The following FRMPD4 variants were observed in gnomAD, a reference collection of about 807,000 sequenced individuals.
FRMPD4 encodes the protein FERM and PDZ domain containing 4.
In FRMPD4, 22 loss-of-function variants were observed where a neutral mutation model predicts 94.1. The ratio of observed to expected loss-of-function variants is 0.23; its 90% CI spans 0.17 to 0.33. The LOEUF is 0.33. FRMPD4 is among the 10% of genes least tolerant of loss of function. The pLI, the probability that FRMPD4 is intolerant of heterozygous loss-of-function variation, is 1.00. For missense variants in FRMPD4, 1,111 were observed against 1,339.9 expected (o/e 0.83, Z 2.67); for synonymous variants, 631 against 548.6 (o/e 1.15, Z -2.10).
chrX:12,073,798 G>A (rs2054989627), intron 3 of FRMPD4, among the ~76,000 whole-genome samples: 1 of 112,277 alleles, frequency 8.9e-6, no homozygotes, highest in Non-Finnish European at 1.9e-5. Flanking sequence ...TTGAACTCCT[G>A]GGCTCAAACG....
At chrX:11,926,258 C>CAAAAAAAAA (rs763084115) in intron 3 of FRMPD4, among the ~76,000 whole-genome samples, 2 of 30,695 alleles carry the variant, frequency 6.5e-5, no homozygotes, top group Non-Finnish European at 5.5e-5. Context: ...GCTTACCAAC[C>CAAAAAAAAA]AAAAAAAAAA....
chrX:12,090,088 A>G (rs1043375755), intron 3 of FRMPD4, among the ~76,000 whole-genome samples: 1 of 111,739 alleles, frequency 8.9e-6, no homozygotes, highest in Non-Finnish European at 1.9e-5. Flanking sequence ...AGAAACAGTG[A>G]TATGGTTTGG....
chrX:12,190,929 C>T (rs1306877974), intron 1 of FRMPD4, among the ~76,000 whole-genome samples: 3 of 111,711 alleles, frequency 2.7e-5, no homozygotes, highest in Non-Finnish European at 3.8e-5. Context: ...TTAAAAACTT[C>T]TCTTCTGCAA....
intron 3 of FRMPD4, among the ~76,000 whole-genome samples, chrX:12,056,779 T>C (rs2054856530): frequency 8.9e-6 from 1 of 112,033 alleles, no homozygotes; most frequent in Non-Finnish European, 1.9e-5. Flanking sequence ...AATGGCTATA[T>C]AACATTTCAT....
intron 3 of FRMPD4, among the ~76,000 whole-genome samples, chrX:11,907,268 G>A (rs2053973071): frequency 9.1e-6 from 1 of 110,130 alleles, no homozygotes; most frequent in African/African-American, 3.3e-5. Context: ...GACCCACTCA[G>A]AGTCCATTAA....
Position 12,690,290 on chromosome X carries a change from G to A in FRMPD4, c.777G>A (p.Lys259=). 4 of 1,209,568 alleles carry A rather than the reference G, an allele frequency of 3.3e-6. No homozygotes were observed. The highest frequency in any genetic ancestry group is 4.5e-6 in the Non-Finnish European group (4 of 893,673). ...AGAGGACAGAAGGGGCTGGAACGAA[G>A]CTGCTCTTGCTTCATGAACAGGAGA... ...LEQRTEGAGT[K]LLLLHEQETL... Residue 259 remains lysine, a synonymous_variant, in exon 8 of 17, where the codon AAG becomes AAA. Coordinates refer to ENST00000675598, the MANE Select transcript of FRMPD4 (RefSeq NM_001368397.1).
chrX:12,645,347 C>CTTTTTTTTTTTTTTTTTTTTT (rs138817056), intron 4 of FRMPD4, among the ~76,000 whole-genome samples: 5 of 55,642 alleles, frequency 9.0e-5, no homozygotes, highest in African/African-American at 4.3e-4. Context: ...CACTCTCACT[C>CTTTTTTTTTTTTTTTTTTTTT]TTTTTTTTTT....
At chrX:12,264,844 T>A (rs151144304) in intron 1 of FRMPD4, among the ~76,000 whole-genome samples, 1,310 of 112,323 alleles carry the variant, frequency 0.012, 23 homozygotes, top group African/African-American at 0.04. Flanking sequence ...GGGGTTGGGT[T>A]GTATTAAGCC....
intron 3 of FRMPD4, among the ~76,000 whole-genome samples, chrX:12,121,349 ATGTG>A (rs1054860553): frequency 1.1e-4 from 12 of 111,797 alleles, no homozygotes; most frequent in African/African-American, 3.6e-4. Context: ...AAAATGTTAT[ATGTG>A]TGTAATAGAT....
At chrX:12,463,944 G>A (rs1470676753) in intron 1 of FRMPD4, among the ~76,000 whole-genome samples, 1 of 110,483 alleles carries the variant, frequency 9.1e-6, no homozygotes, top group Admixed American at 9.7e-5. Context: ...CATGAATAAA[G>A]TTTTATTGGC....
intron 3 of FRMPD4, among the ~76,000 whole-genome samples, chrX:11,959,977 G>A (rs2054275926): frequency 9.0e-6 from 1 of 111,421 alleles, no homozygotes; most frequent in South Asian, 3.8e-4. Flanking sequence ...GGTGGCTCAA[G>A]TGTTTCAAAT....
Position 12,588,886 on chromosome X carries a change from A to G in FRMPD4, c.159-20835A>G, listed in dbSNP as rs141379810. Among the ~76,000 whole-genome samples, 121 of 112,713 alleles carry G rather than the reference A, an allele frequency of 1.1e-3. 1 individual carries two copies. Among genetic ancestry groups the G allele is most frequent in the Middle Eastern group, 4.6e-3 (1 of 219 alleles). The stretch of plus-strand genomic sequence containing the variant: ...TTTTTCTTTTTTTCCAGTGAAATAA[A>G]TAGAAAACCAAACACATACATACAT... On this transcript the variant is annotated intron_variant, in intron 2 of 16. Coordinates refer to ENST00000675598, the MANE Select transcript of FRMPD4 (RefSeq NM_001368397.1).
At chrX:12,447,167 T>TATCA (rs1239172179) in intron 1 of FRMPD4, among the ~76,000 whole-genome samples, 1 of 111,649 alleles carries the variant, frequency 9.0e-6, no homozygotes, top group Non-Finnish European at 1.9e-5. Context: ...GCAAGAAACC[T>TATCA]ATCAGGGAAG....
At chrX:11,988,901 C>T (rs556833195) in intron 3 of FRMPD4, among the ~76,000 whole-genome samples, 7 of 111,594 alleles carry the variant, frequency 6.3e-5, no homozygotes, top group East Asian at 2.8e-4. Flanking sequence ...AAAGCTACAA[C>T]GAGATATCAT....
At chrX:12,437,916 T>G (rs2057088619) in intron 1 of FRMPD4, among the ~76,000 whole-genome samples, 1 of 112,047 alleles carries the variant, frequency 8.9e-6, no homozygotes, top group African/African-American at 3.2e-5. Context: ...AAAATTTTGT[T>G]TTGTGAGTTC....
chrX:12,045,451 A>G (rs762475932), intron 3 of FRMPD4, among the ~76,000 whole-genome samples: 1 of 111,241 alleles, frequency 9.0e-6, no homozygotes, highest in Non-Finnish European at 1.9e-5. Flanking sequence ...GGCATTAGCA[A>G]TAGGTAACCA....
At chrX:11,947,139 G>A (rs1429995565) in intron 3 of FRMPD4, among the ~76,000 whole-genome samples, 2 of 111,817 alleles carry the variant, frequency 1.8e-5, no homozygotes, top group African/African-American at 3.2e-5. Context: ...GTTGGATTTG[G>A]GGGATTTTTG....
At chrX:12,307,530 C>A (rs1016699470) in intron 1 of FRMPD4, among the ~76,000 whole-genome samples, 6 of 111,369 alleles carry the variant, frequency 5.4e-5, no homozygotes, top group Middle Eastern at 4.6e-3. Flanking sequence ...CAAAAACAGG[C>A]AAAACTAGTC....
intron 2 of FRMPD4, among the ~76,000 whole-genome samples, chrX:12,503,779 G>A (rs1285805308): frequency 2.7e-5 from 3 of 111,635 alleles, no homozygotes; most frequent in Admixed American, 9.5e-5. Context: ...AGTCTAATAG[G>A]TTATCTTCAG....
Sources: allele counts gnomAD v4.1 joint callset (sites outside exome capture counted in the v4.1 genomes callset), GRCh38; gene constraint gnomAD v4.1.1; transcripts MANE v1.5; gene names NCBI Gene and HGNC (gene_info 2026-07-23, HGNC 2026-07-21).